ADGRL3: variants seen among roughly 807,000 people sequenced by gnomAD.
ADGRL3 encodes adhesion G protein-coupled receptor L3.
ADGRL3 carries 62 observed loss-of-function variants against 153.5 expected under a neutral mutation model. The observed-to-expected ratio is 0.40, with a 90% CI of 0.33 to 0.50. The LOEUF (loss-of-function observed/expected upper bound fraction) is 0.50, where lower values mean the gene tolerates loss of function less well. Among genes scored for constraint, ADGRL3 ranks in the 20% least tolerant of loss-of-function variants. The probability of loss-of-function intolerance (pLI) is 0.47; values close to 1 mark genes in which losing one functional copy is unlikely to be tolerated. For synonymous variants in ADGRL3, 710 were observed against 672.5 expected (o/e 1.06, Z -0.86); for missense variants, 1,641 against 1,859.4 (o/e 0.88, Z 2.16).
intron 6 of ADGRL3, among the ~76,000 whole-genome samples, chr4:61,723,399 T>C (rs2096273140): frequency 6.6e-6 from 1 of 152,002 alleles, no homozygotes; most frequent in Non-Finnish European, 1.5e-5. Context: ...GAGGAAAGTT[T>C]AATAGGCAAG....
At chr4:61,877,357 GA>G (rs1402160001) in intron 9 of ADGRL3, among the ~76,000 whole-genome samples, 1 of 152,158 alleles carries the variant, frequency 6.6e-6, no homozygotes, top group East Asian at 1.9e-4. Context: ...TAGAGTTGTA[GA>G]ACAGTTTAGT....
chr4:62,069,250 C>T (rs1466059862), intron 26 of ADGRL3, among the ~76,000 whole-genome samples: 1 of 152,110 alleles, frequency 6.6e-6, no homozygotes, highest in East Asian at 1.9e-4. Flanking sequence ...AAATCCATCA[C>T]TCATTATATA....
intron 4 of ADGRL3, among the ~76,000 whole-genome samples, chr4:61,542,596 CT>C (rs998990141): frequency 2.0e-5 from 3 of 151,122 alleles, no homozygotes; most frequent in East Asian, 3.9e-4. Context: ...TTTTATCTGC[CT>C]TTTTTTTTCC....
At chr4:61,668,872 A>C (rs2094896136) in intron 5 of ADGRL3, among the ~76,000 whole-genome samples, 1 of 152,132 alleles carries the variant, frequency 6.6e-6, no homozygotes, top group Admixed American at 6.6e-5. Context: ...AAATACAATT[A>C]GGTGGGCATG....
At chr4:62,050,272 C>T (rs904799527) in intron 25 of ADGRL3, among the ~76,000 whole-genome samples, 4 of 152,060 alleles carry the variant, frequency 2.6e-5, no homozygotes, top group Admixed American at 1.3e-4. Context: ...GTTTTAGCAT[C>T]AAAGAAATAA....
chr4:61,732,827 G>T lies in ADGRL3; in HGVS notation c.672G>T (p.Gly224=), dbSNP rs1172188100. ...TGTTTGAGTCCGACCACCAATCTGGGGCGTGGTGCAAAGACCCTCTGCAGG... is the reference window on the plus strand; with the variant it reads ...TGTTTGAGTCCGACCACCAATCTGGTGCGTGGTGCAAAGACCCTCTGCAGG... The part of the protein sequence containing the change: ...EHLFESDHQS[G]AWCKDPLQAS... Residue 224 remains glycine (G), a synonymous_variant, in exon 8 of 27, where the codon GGG becomes GGT. Coordinates refer to ENST00000683033, the MANE Select transcript of ADGRL3 (RefSeq NM_001387552.1). 1 of 1,611,186 alleles carries T rather than the reference G, an allele frequency of 6.2e-7. No individual in the cohort carries two copies. Among genetic ancestry groups the T allele is most frequent in the Admixed American group, 1.7e-5 (1 of 59,484 alleles).
At chr4:61,965,079 T>A (rs1315057226) in intron 17 of ADGRL3, among the ~76,000 whole-genome samples, 1 of 152,098 alleles carries the variant, frequency 6.6e-6, no homozygotes, top group African/African-American at 2.4e-5. Context: ...TGGTTCACCA[T>A]AGCCTTGACC....
At chr4:61,335,906 G>T (rs1325557916) in intron 1 of ADGRL3, among the ~76,000 whole-genome samples, 1 of 152,110 alleles carries the variant, frequency 6.6e-6, no homozygotes, top group Admixed American at 6.6e-5. Flanking sequence ...TAGGAGAAAA[G>T]AAGTTTTCAA....
intron 17 of ADGRL3, among the ~76,000 whole-genome samples, chr4:61,979,132 AT>A (rs2099058503): frequency 6.6e-6 from 1 of 152,208 alleles, no homozygotes; most frequent in African/African-American, 2.4e-5. Flanking sequence ...TGATTCAAAA[AT>A]TAGTTGAGAT....
At chr4:61,459,701 T>C (rs1047859095) in intron 2 of ADGRL3, among the ~76,000 whole-genome samples, 1 of 152,116 alleles carries the variant, frequency 6.6e-6, no homozygotes, top group African/African-American at 2.4e-5. Context: ...TTCCTCCACT[T>C]CCTTGCCAGA....
At chr4:61,840,265 A>G (rs1239415013) in intron 9 of ADGRL3, among the ~76,000 whole-genome samples, 3 of 151,960 alleles carry the variant, frequency 2.0e-5, no homozygotes, top group Admixed American at 2.0e-4. Flanking sequence ...TTTTTTGTGG[A>G]GACGGTGTTT....
intron 25 of ADGRL3, among the ~76,000 whole-genome samples, chr4:62,047,554 A>C (rs540081842): frequency 6.6e-6 from 1 of 152,174 alleles, no homozygotes; most frequent in Admixed American, 6.5e-5. Context: ...CAATGTGATA[A>C]ATTTGATTAC....
At chr4:61,750,758 C>G (rs1580622995) in intron 8 of ADGRL3, among the ~76,000 whole-genome samples, 2 of 147,754 alleles carry the variant, frequency 1.4e-5, no homozygotes, top group East Asian at 2.0e-4. Flanking sequence ...CCACTGCACT[C>G]CAGCCTGGGC....
At chr4:61,836,004 A>ATTT (rs1170789527) in intron 9 of ADGRL3, among the ~76,000 whole-genome samples, 6 of 152,162 alleles carry the variant, frequency 3.9e-5, no homozygotes, top group African/African-American at 7.2e-5. Flanking sequence ...GAAACCAAGA[A>ATTT]AAAGTAGCCT....
intron 18 of ADGRL3, among the ~76,000 whole-genome samples, chr4:61,980,933 C>CT (rs1199666237): frequency 1.3e-5 from 2 of 152,248 alleles, no homozygotes; most frequent in Admixed American, 1.3e-4. Context: ...AAGAAAGCTG[C>CT]TATAACCATA....
At chr4:61,458,371 CAAT>C (rs1344951126) in intron 2 of ADGRL3, among the ~76,000 whole-genome samples, 1 of 150,958 alleles carries the variant, frequency 6.6e-6, no homozygotes, top group Admixed American at 6.6e-5. Flanking sequence ...TTATAAAAAA[CAAT>C]AATTTTTATT....
intron 6 of ADGRL3, among the ~76,000 whole-genome samples, chr4:61,710,119 A>G (rs1258294607): frequency 6.6e-6 from 1 of 152,218 alleles, no homozygotes; most frequent in Non-Finnish European, 1.5e-5. Context: ...TTATCCAGAT[A>G]GTTAAACCAC....
intron 1 of ADGRL3, among the ~76,000 whole-genome samples, chr4:61,296,741 G>A (rs1019858179): frequency 6.6e-6 from 1 of 152,048 alleles, no homozygotes; most frequent in Non-Finnish European, 1.5e-5. Flanking sequence ...TATAAGATAT[G>A]ATATTGTGTA....
chr4:61,404,060 A>G (rs761043862), intron 2 of ADGRL3, among the ~76,000 whole-genome samples: 3 of 152,070 alleles, frequency 2.0e-5, no homozygotes, highest in Admixed American at 6.6e-5. Flanking sequence ...CATTCAGTCT[A>G]TAATATCTGT....
Sources: allele counts gnomAD v4.1 joint callset (sites outside exome capture counted in the v4.1 genomes callset), GRCh38; gene constraint gnomAD v4.1.1; transcripts MANE v1.5; gene names NCBI Gene and HGNC (gene_info 2026-07-23, HGNC 2026-07-21).